ANK2: variants seen among roughly 807,000 people sequenced by gnomAD.
The protein encoded by ANK2 is ankyrin 2.
Under a neutral mutation model 360.5 loss-of-function variants are expected in ANK2, and 83 were observed. The observed-to-expected ratio is 0.23, with a 90% CI of 0.19 to 0.28. ANK2 has a LOEUF of 0.28. Ranked by LOEUF, ANK2 falls within the 10% of genes least tolerant of loss-of-function variation. ANK2 has a pLI of 1.00. For synonymous variants in ANK2, 1,740 were observed against 1,759.5 expected (o/e 0.99, Z 0.28); for missense variants, 4,201 against 4,795.7 (o/e 0.88, Z 3.66).
At chr4:113,099,296 T>C (rs189103743) in intron 1 of ANK2, among the ~76,000 whole-genome samples, 1 of 152,004 alleles carries the variant, frequency 6.6e-6, no homozygotes. Flanking sequence ...GGAACTAATA[T>C]TGATGATAGC....
chr4:113,204,682 G>C (rs1195862532), intron 4 of ANK2, among the ~76,000 whole-genome samples: 2 of 152,098 alleles, frequency 1.3e-5, no homozygotes, highest in Non-Finnish European at 2.9e-5. Flanking sequence ...TCATTGGTAC[G>C]GACACCTTCC....
At chr4:112,714,097 G>C in the ANK2 span, among the ~76,000 whole-genome samples, 2 of 152,222 alleles carry the variant, frequency 1.3e-5, no homozygotes, top group East Asian at 3.8e-4. Context: ...TAAGGGTGTA[G>C]AGACACTTCT....
chr4:112,892,715 A>T (rs976126713), intron 1 of ANK2, among the ~76,000 whole-genome samples: 10 of 152,236 alleles, frequency 6.6e-5, no homozygotes, highest in African/African-American at 1.9e-4. Flanking sequence ...GTAAAGATTC[A>T]GAATCAGTGA....
rs1194009444 is a variant in ANK2, at chr4:113,357,024, T to C, written c.8406T>C (p.Asp2802=). ...GLQSPTGDDV[D]EQPVIYKESL... ...AGAGTCCGACTGGTGATGATGTTGATGAACAGCCAGTCATCTATAAAGAAT... is the reference window on the plus strand; with the variant it reads ...AGAGTCCGACTGGTGATGATGTTGACGAACAGCCAGTCATCTATAAAGAAT... Residue 2802 remains aspartate, a synonymous_variant, in exon 38 of 46, where the codon GAT becomes GAC. Coordinates refer to ENST00000357077, the MANE Select transcript of ANK2 (RefSeq NM_001148.6). 2 of 1,614,062 alleles carry C rather than the reference T, an allele frequency of 1.2e-6. No individual in the cohort carries two copies. The highest frequency in any genetic ancestry group is 3.3e-5 in the Admixed American group (2 of 60,018).
At chr4:112,734,146 G>T in the ANK2 span, among the ~76,000 whole-genome samples, 1 of 152,140 alleles carries the variant, frequency 6.6e-6, no homozygotes, top group African/African-American at 2.4e-5. Context: ...ATATATATAT[G>T]CATAGTATAT....
intron 1 of ANK2, among the ~76,000 whole-genome samples, chr4:112,864,473 C>T (rs2069446404): frequency 6.6e-6 from 1 of 151,968 alleles, no homozygotes; most frequent in African/African-American, 2.4e-5. Flanking sequence ...ACATGCCCAG[C>T]TAATTTTTGT....
At chr4:113,124,251 G>A (rs1582296098) in intron 1 of ANK2, among the ~76,000 whole-genome samples, 1 of 152,258 alleles carries the variant, frequency 6.6e-6, no homozygotes, top group East Asian at 1.9e-4. Context: ...AGCCTTGGAG[G>A]CCTCAAACCT....
At chr4:113,139,187 A>G (rs568006147) in intron 1 of ANK2, among the ~76,000 whole-genome samples, 5 of 152,318 alleles carry the variant, frequency 3.3e-5, no homozygotes, top group African/African-American at 1.2e-4. Flanking sequence ...CTTTCTCTCC[A>G]GCCTACCATG....
intron 2 of ANK2, among the ~76,000 whole-genome samples, chr4:112,984,565 G>C (rs1196337701): frequency 1.3e-5 from 2 of 152,138 alleles, no homozygotes; most frequent in Non-Finnish European, 2.9e-5. Flanking sequence ...GATGAGATTT[G>C]GGTGGGGACA....
At chr4:113,167,392 C>T (rs1358912917) in intron 1 of ANK2, among the ~76,000 whole-genome samples, 3 of 151,626 alleles carry the variant, frequency 2.0e-5, no homozygotes, top group Admixed American at 6.6e-5. Flanking sequence ...CTCTGCCTCC[C>T]GGATCCGAGC....
At chr4:113,123,037 T>C (rs2095460711) in intron 1 of ANK2, among the ~76,000 whole-genome samples, 1 of 151,748 alleles carries the variant, frequency 6.6e-6, no homozygotes, top group South Asian at 2.1e-4. Flanking sequence ...ATTGTATGGC[T>C]TGAGGTAAGT....
chr4:112,957,361 CAGA>C (rs1581889267), intron 2 of ANK2, among the ~76,000 whole-genome samples: 1 of 152,242 alleles, frequency 6.6e-6, no homozygotes, highest in East Asian at 1.9e-4. Context: ...GATCACAAGG[CAGA>C]AGAATTTTTC....
intron 22 of ANK2, among the ~76,000 whole-genome samples, chr4:113,295,076 T>C (rs2070367250): frequency 6.6e-6 from 1 of 152,202 alleles, no homozygotes; most frequent in Admixed American, 6.5e-5. Context: ...ATGTTTATTT[T>C]ACCAAGTTAT....
intron 1 of ANK2, among the ~76,000 whole-genome samples, chr4:112,900,577 G>T (rs2083035444): frequency 6.6e-6 from 1 of 152,068 alleles, no homozygotes; most frequent in African/African-American, 2.4e-5. Context: ...TTATCTATTG[G>T]GTACAATGTT....
rs146602200 is a variant in ANK2, at chr4:113,380,077, C to T, written c.11860-1380C>T. ...TTGTTTGGACTATTGCTTAAATTCT[C>T]GGAGATTCAATTTCTTTATTTGTTA... On this transcript the variant is annotated intron_variant, in intron 45 of 45. Transcript: ENST00000357077. Among the ~76,000 whole-genome samples the T allele has an allele frequency of 5.4e-3, 817 of 152,108 alleles. 23 individuals carry two copies. Among genetic ancestry groups the T allele is most frequent in the East Asian group, 3.7e-3 (19 of 5,178 alleles).
intron 2 of ANK2, among the ~76,000 whole-genome samples, chr4:112,941,734 T>G (rs1167818864): frequency 6.8e-6 from 1 of 148,074 alleles, no homozygotes; most frequent in African/African-American, 2.5e-5. Context: ...AATTATATGA[T>G]CTATACACAT....
At chr4:113,006,722 A>G (rs1406747839) in intron 2 of ANK2, among the ~76,000 whole-genome samples, 1 of 152,236 alleles carries the variant, frequency 6.6e-6, no homozygotes, top group Non-Finnish European at 1.5e-5. Context: ...AAATATCAAT[A>G]CAATTTTAAA....
chr4:113,090,293 T>C (rs1447783809), intron 1 of ANK2, among the ~76,000 whole-genome samples: 1 of 152,208 alleles, frequency 6.6e-6, no homozygotes, highest in Admixed American at 6.5e-5. Flanking sequence ...CTCCTTACTT[T>C]TCTAAAATCT....
chr4:112,836,798 C>G (rs1268615629), intron 1 of ANK2, among the ~76,000 whole-genome samples: 5 of 152,124 alleles, frequency 3.3e-5, no homozygotes, highest in African/African-American at 9.7e-5. Context: ...AAGAGGTGAC[C>G]TGGTTTTTCC....
Sources: allele counts gnomAD v4.1 joint callset (sites outside exome capture counted in the v4.1 genomes callset), GRCh38; gene constraint gnomAD v4.1.1; transcripts MANE v1.5; gene names NCBI Gene and HGNC (gene_info 2026-07-23, HGNC 2026-07-21).